The following KMT2C variants were observed in gnomAD, a reference collection of about 807,000 sequenced individuals.
KMT2C encodes lysine methyltransferase 2C.
In KMT2C, 88 loss-of-function variants were observed where a neutral mutation model predicts 507.9. That is an observed-to-expected ratio of 0.17 (90% CI 0.15 to 0.21). The LOEUF (loss-of-function observed/expected upper bound fraction) is 0.21, where lower values mean the gene tolerates loss of function less well. KMT2C is among the 10% of genes least tolerant of loss of function. KMT2C has a pLI of 1.00. For synonymous variants in KMT2C, 2,049 were observed against 2,080.8 expected (o/e 0.98, Z 0.42); for missense variants, 4,954 against 5,957.8 (o/e 0.83, Z 5.55).
chr7:152,430,737 C>G (rs531356836), intron 1 of KMT2C, among the ~76,000 whole-genome samples: 2 of 152,204 alleles, frequency 1.3e-5, no homozygotes, highest in African/African-American at 2.4e-5. Flanking sequence ...GTTGCCCAGG[C>G]TGGTCTCAAA....
chr7:152,227,444 A>C (rs531185732), intron 18 of KMT2C, among the ~76,000 whole-genome samples: 47 of 152,326 alleles, frequency 3.1e-4, no homozygotes, highest in Non-Finnish European at 5.7e-4. Flanking sequence ...GTTCTCCCAT[A>C]AGATAGTAGA....
intron 1 of KMT2C, among the ~76,000 whole-genome samples, chr7:152,419,020 G>A (rs1012002305): frequency 5.9e-5 from 9 of 151,732 alleles, no homozygotes; most frequent in East Asian, 1.9e-4. Flanking sequence ...ATAGTGAGAC[G>A]ACTGTCCCTA....
At chr7:152,215,437 C>T (rs1400017543) in intron 23 of KMT2C, among the ~76,000 whole-genome samples, 8 of 148,572 alleles carry the variant, frequency 5.4e-5, no homozygotes, top group African/African-American at 1.5e-4. Context: ...TGGCGTGAAC[C>T]CAGGAGGCGG....
intron 1 of KMT2C, among the ~76,000 whole-genome samples, chr7:152,382,238 G>C: frequency 6.6e-6 from 1 of 152,110 alleles, no homozygotes. Flanking sequence ...CAAAAGATAC[G>C]CATTCAACTC....
chr7:152,396,787 T>C (rs575642395), intron 1 of KMT2C, among the ~76,000 whole-genome samples: 2 of 152,296 alleles, frequency 1.3e-5, no homozygotes, highest in South Asian at 2.1e-4. Context: ...GCATACTCTG[T>C]TGGGGGAATC....
chr7:152,259,446 G>GCGCACACACACACACACACA (rs1188729137), intron 9 of KMT2C, among the ~76,000 whole-genome samples: 2 of 134,688 alleles, frequency 1.5e-5, no homozygotes, highest in Non-Finnish European at 3.2e-5. Context: ...ACACACACGC[G>GCGCACACACACACACACACA]CACACACACA....
intron 44 of KMT2C, chr7:152,157,704 A>C: frequency 1.9e-6 from 2 of 1,029,986 alleles, no homozygotes; most frequent in South Asian, 2.1e-5. Context: ...AAGCTCTATC[A>C]ATTCTGACAT....
intron 1 of KMT2C, among the ~76,000 whole-genome samples, chr7:152,373,356 A>G (rs2097305662): frequency 1.3e-5 from 2 of 152,216 alleles, no homozygotes; most frequent in Non-Finnish European, 2.9e-5. Flanking sequence ...AGCACTCAAT[A>G]TATGTTTTGT....
Position 152,187,398 on chromosome 7 carries a change from T to G in KMT2C, c.4872A>C (p.Gly1624=). 6.2e-7 allele frequency: 1 copy of G among 1,614,190 alleles called. No homozygotes were observed. The highest frequency in any genetic ancestry group is 8.5e-7 in the Non-Finnish European group (1 of 1,180,020). ...SWTSSAPTVE[G]ENDTMSNAQR... is the part of the protein sequence containing the mutation. ...GGGCATTCGACATTGTGTCATTTTC[T>G]CCTTCCACAGTGGGAGCTGATGATG... is the stretch of plus-strand genomic sequence containing the variant. Residue 1624 remains glycine, a synonymous_variant, in exon 33 of 59, where the codon GGA becomes GGC. Transcript: ENST00000262189.
At chr7:152,341,595 T>C (rs2096992796) in intron 2 of KMT2C, among the ~76,000 whole-genome samples, 1 of 152,078 alleles carries the variant, frequency 6.6e-6, no homozygotes, top group South Asian at 2.1e-4. Flanking sequence ...CCACCACATA[T>C]CCAGAAGGGA....
intron 13 of KMT2C, among the ~76,000 whole-genome samples, chr7:152,249,076 T>C (rs2095520786): frequency 2.0e-5 from 3 of 152,170 alleles, no homozygotes; most frequent in African/African-American, 7.2e-5. Context: ...TGCTTAACCA[T>C]ACCTGCCAAC....
At chr7:152,153,728 T>TA (rs2091833460) in intron 48 of KMT2C, among the ~76,000 whole-genome samples, 1 of 127,172 alleles carries the variant, frequency 7.9e-6, no homozygotes, top group Non-Finnish European at 1.5e-5. Flanking sequence ...ACTGTGTCTC[T>TA]ATTAAAAAAA....
rs771250133 is a variant in KMT2C at position 152,247,951 on chromosome 7, G to A, written c.2483C>T (p.Pro828Leu). 1 of 1,614,220 alleles carries A rather than the reference G, an allele frequency of 6.2e-7. No individual in the cohort carries two copies. The highest frequency in any genetic ancestry group is 1.1e-5 in the South Asian group (1 of 91,076). Residue 828 changes from proline to leucine, a missense_variant, in exon 14 of 59, where the codon CCA (proline) becomes CTA (leucine). Around this residue, in one of 29 missense-constraint regions of KMT2C, gnomAD observed 7 missense variants for 72.6 expected, o/e 0.10. Coordinates refer to ENST00000262189, the MANE Select transcript of KMT2C (RefSeq NM_170606.3). ...SVTPKIGMGK[P>L]AITKRKFSPG... ...AGAAAATTTTCTCTTAGTAATAGCT[G>A]GTTTACCCATGCCAATTTTTGGAGT...
At chr7:152,351,650 G>A (rs997940098) in intron 2 of KMT2C, among the ~76,000 whole-genome samples, 2 of 152,168 alleles carry the variant, frequency 1.3e-5, no homozygotes, top group African/African-American at 4.8e-5. Context: ...GAAATAAATT[G>A]TGAAGATTTC....
intron 7 of KMT2C, among the ~76,000 whole-genome samples, chr7:152,268,788 A>C (rs370828365): frequency 8.5e-5 from 13 of 152,176 alleles, no homozygotes; most frequent in Non-Finnish European, 2.9e-5. Flanking sequence ...TTTCCTAGGA[A>C]CACTAAAATG....
chr7:152,375,272 C>T (rs927570085), intron 1 of KMT2C, among the ~76,000 whole-genome samples: 1 of 151,848 alleles, frequency 6.6e-6, no homozygotes, highest in East Asian at 1.9e-4. Context: ...AAACTCCTGA[C>T]CTCAGGTGAT....
intron 2 of KMT2C, among the ~76,000 whole-genome samples, chr7:152,342,735 G>C (rs949184854): frequency 6.6e-6 from 1 of 152,146 alleles, no homozygotes; most frequent in South Asian, 2.1e-4. Context: ...TTACCTCTAG[G>C]AGCTCTACCA....
chr7:152,360,929 T>C (rs372780365), intron 1 of KMT2C, among the ~76,000 whole-genome samples: 2 of 147,240 alleles, frequency 1.4e-5, no homozygotes, highest in East Asian at 3.9e-4. Context: ...AAAGTCGGTC[T>C]TAACCAAAAA....
intron 14 of KMT2C, among the ~76,000 whole-genome samples, chr7:152,245,202 T>C (rs1330490032): frequency 4.6e-5 from 7 of 152,364 alleles, no homozygotes; most frequent in African/African-American, 1.4e-4. Context: ...TCCTTAAAAA[T>C]TGTGAAAGCA....
Sources: allele counts gnomAD v4.1 joint callset (sites outside exome capture counted in the v4.1 genomes callset), GRCh38; gene constraint gnomAD v4.1.1; regional missense constraint gnomAD v4.1.1; transcripts MANE v1.5; gene names NCBI Gene and HGNC (gene_info 2026-07-23, HGNC 2026-07-21).